Variants in RBFOX1 observed in about 807,000 individuals in gnomAD.
RBFOX1 encodes the protein RNA binding fox-1 homolog 1.
RBFOX1 carries 8 observed loss-of-function variants against 57.7 expected under a neutral mutation model. The ratio of observed to expected loss-of-function variants is 0.14; its 90% CI spans 0.08 to 0.25. The LOEUF is 0.25. Ranked by LOEUF, RBFOX1 falls within the 10% of genes least tolerant of loss-of-function variation. The pLI is 1.00. For synonymous variants in RBFOX1, 326 were observed against 222.4 expected (o/e 1.47, Z -4.15); for missense variants, 611 against 548.5 (o/e 1.11, Z -1.14).
intron 3 of RBFOX1, among the ~76,000 whole-genome samples, chr16:6,832,955 AG>A (rs1203001629): frequency 6.6e-6 from 1 of 152,084 alleles, no homozygotes; most frequent in East Asian, 1.9e-4. Flanking sequence ...TTAAAAATAC[AG>A]TCACACAAAT....
intron 3 of RBFOX1, among the ~76,000 whole-genome samples, chr16:5,839,574 C>T (rs1455713125): frequency 6.6e-6 from 1 of 152,182 alleles, no homozygotes; most frequent in African/African-American, 2.4e-5. Context: ...TCAGAGGCTT[C>T]TTAATCAAGC....
intron 3 of RBFOX1, among the ~76,000 whole-genome samples, chr16:7,033,491 G>C (rs2043360133): frequency 6.6e-6 from 1 of 152,212 alleles, no homozygotes; most frequent in South Asian, 2.1e-4. Context: ...CTGCAGTCCA[G>C]CCTAGGGGAT....
chr16:7,230,492 A>AC (rs2152916611), intron 4 of RBFOX1, among the ~76,000 whole-genome samples: 2 of 152,306 alleles, frequency 1.3e-5, no homozygotes, highest in African/African-American at 4.8e-5. Flanking sequence ...CATTCAGGAA[A>AC]GGGCTGACCC....
intron 4 of RBFOX1, among the ~76,000 whole-genome samples, chr16:7,080,217 A>G (rs980121397): frequency 6.6e-6 from 1 of 152,014 alleles, no homozygotes; most frequent in African/African-American, 2.4e-5. Context: ...AGTCACAAGA[A>G]GGGTTGAACT....
chr16:5,674,950 C>T (rs2050120946), intron 3 of RBFOX1, among the ~76,000 whole-genome samples: 1 of 152,068 alleles, frequency 6.6e-6, no homozygotes, highest in South Asian at 2.1e-4. Context: ...AGTTTGAAAC[C>T]AGCCTGGACA....
At chr16:7,708,663 G>GA (rs1166253890) in intron 14 of RBFOX1, among the ~76,000 whole-genome samples, 1 of 152,158 alleles carries the variant, frequency 6.6e-6, no homozygotes, top group Non-Finnish European at 1.5e-5. Context: ...TGAATCAGGA[G>GA]AAAAAGGCAC....
chr16:5,710,174 C>G (rs987800314), intron 3 of RBFOX1, among the ~76,000 whole-genome samples: 3 of 151,838 alleles, frequency 2.0e-5, no homozygotes, highest in African/African-American at 7.3e-5. Flanking sequence ...GAGTTTAGAG[C>G]CAAGGGTTAT....
chr16:5,674,909 G>C lies in RBFOX1; in HGVS notation c.318+75948G>C, dbSNP rs140964181. 3.0e-3 allele frequency among the ~76,000 whole-genome samples: 457 copies of C among 152,252 alleles called. 2 individuals are homozygous for C. The highest frequency in any genetic ancestry group is 0.011 in the African/African-American group (443 of 41,536). On this transcript the variant is annotated intron_variant, in intron 3 of 19. Transcript: ENST00000641259. ...TGTCTGTAATCCCAGCACTTTGGAA[G>C]GCTGAGGCAGGAGGATTGCTCGATC...
chr16:5,561,813 C>T (rs1273091717), intron 2 of RBFOX1, among the ~76,000 whole-genome samples: 2 of 152,034 alleles, frequency 1.3e-5, no homozygotes, highest in African/African-American at 4.8e-5. Context: ...TACTTGAGGA[C>T]GATGGTCTTG....
At chr16:7,046,603 C>CTTTTT (rs59921108) in intron 3 of RBFOX1, among the ~76,000 whole-genome samples, 8 of 84,976 alleles carry the variant, frequency 9.4e-5, no homozygotes, top group Non-Finnish European at 1.8e-4. Flanking sequence ...TGTGTTTTAT[C>CTTTTT]TTTTTTTTTT....
chr16:7,412,651 C>T (rs1224592576), intron 4 of RBFOX1, among the ~76,000 whole-genome samples: 1 of 152,188 alleles, frequency 6.6e-6, no homozygotes, highest in African/African-American at 2.4e-5. Context: ...AGATTTCTCC[C>T]ATGTCTGTTA....
In RBFOX1 at chr16:5,776,875, G is replaced by T. The variant is rs144410770; in HGVS notation, c.319-90428G>T. Among the ~76,000 whole-genome samples, 652 of 152,300 alleles carry T rather than the reference G, an allele frequency of 4.3e-3. 6 individuals are homozygous for T. Among genetic ancestry groups the T allele is most frequent in the African/African-American group, 0.015 (612 of 41,552 alleles). ...TTCTAAATCAGCATCATCAAACACG[G>T]TGGCCATTTGCCATGGATGTATGGA... On this transcript the variant is annotated intron_variant, in intron 3 of 19. Transcript: ENST00000641259.
intron 3 of RBFOX1, among the ~76,000 whole-genome samples, chr16:5,663,099 C>T (rs1042335202): frequency 1.2e-4 from 18 of 152,104 alleles, no homozygotes; most frequent in African/African-American, 4.3e-4. Context: ...TAGGTATAGG[C>T]CAGGGATACT....
chr16:7,665,236 C>T (rs1275280772), intron 13 of RBFOX1, among the ~76,000 whole-genome samples: 1 of 152,122 alleles, frequency 6.6e-6, no homozygotes, highest in Admixed American at 6.6e-5. Context: ...TTCTTTCATG[C>T]CAACTAAAGA....
At chr16:7,313,434 CCTTT>C (rs997535448) in intron 4 of RBFOX1, among the ~76,000 whole-genome samples, 2 of 149,294 alleles carry the variant, frequency 1.3e-5, no homozygotes, top group African/African-American at 2.5e-5. Context: ...TTTCTTTTTT[CCTTT>C]CTTTCTTCTT....
intron 3 of RBFOX1, among the ~76,000 whole-genome samples, chr16:6,899,933 T>G (rs1452452251): frequency 6.6e-6 from 1 of 152,204 alleles, no homozygotes; most frequent in Non-Finnish European, 1.5e-5. Flanking sequence ...CCATTTGAAC[T>G]ATGTTTAGTC....
At chr16:7,386,067 G>T (rs1463571674) in intron 4 of RBFOX1, among the ~76,000 whole-genome samples, 1 of 151,994 alleles carries the variant, frequency 6.6e-6, no homozygotes, top group East Asian at 1.9e-4. Flanking sequence ...GGGATTGCAG[G>T]TGTGAGCCAC....
chr16:6,819,359 C>T (rs11865489), intron 3 of RBFOX1, among the ~76,000 whole-genome samples: 68,519 of 151,884 alleles, frequency 0.45, 16,113 homozygotes, highest in Non-Finnish European at 0.52. Flanking sequence ...CTACAGTGAA[C>T]ACACACACAC....
At chr16:5,998,318 G>C (rs2060525351) in intron 4 of RBFOX1, among the ~76,000 whole-genome samples, 1 of 152,162 alleles carries the variant, frequency 6.6e-6, no homozygotes, top group South Asian at 2.1e-4. Context: ...CATTAAATTT[G>C]AGGAAAACTA....
Sources: allele counts gnomAD v4.1 joint callset (sites outside exome capture counted in the v4.1 genomes callset), GRCh38; gene constraint gnomAD v4.1.1; transcripts MANE v1.5; gene names NCBI Gene and HGNC (gene_info 2026-07-23, HGNC 2026-07-21).